The following DYRK1A variants were observed in gnomAD, a reference collection of about 807,000 sequenced individuals.
DYRK1A encodes the protein dual specificity tyrosine-phosphorylation-regulated kinase 1A.
A neutral mutation model predicts 79.7 loss-of-function variants in DYRK1A; 9 were observed. The ratio of observed to expected loss-of-function variants is 0.11; its 90% confidence interval spans 0.07 to 0.20. The LOEUF is 0.20. DYRK1A is among the 10% of genes least tolerant of loss of function. The probability of loss-of-function intolerance (pLI) is 1.00; values close to 1 mark genes in which losing one functional copy is unlikely to be tolerated. For synonymous variants in DYRK1A, 349 were observed against 329.7 expected, an observed-to-expected ratio of 1.06 and a Z score of -0.63; for missense variants, 622 against 956.0, an observed-to-expected ratio of 0.65 and a Z score of 4.61.
At chr21:37,448,777 G>T (rs546886434) in intron 2 of DYRK1A, among the ~76,000 whole-genome samples, 1 of 152,164 alleles carries the variant, frequency 6.6e-6, no homozygotes, top group African/African-American at 2.4e-5. Flanking sequence ...GAGCACTGCA[G>T]CCTCAACCTC....
chr21:37,512,206 C>T lies in DYRK1A; in HGVS notation c.1940C>T (p.Thr647Ile). The change falls in exon 12 of 12, where the codon ACA becomes ATA. Residue 647 changes from threonine (T) to isoleucine (I), a missense_variant. Around this residue, in one of 5 missense-constraint regions of DYRK1A, gnomAD observed 292 missense variants for 316.7 expected, o/e 0.92. Coordinates refer to ENST00000647188, the MANE Select transcript of DYRK1A (RefSeq NM_001347721.2). ...GTTGGCCACAGTCACCACTCCATGACATCCCTGTCTTCCTCAACGACTTCT... is the reference window on the plus strand; with the variant it reads ...GTTGGCCACAGTCACCACTCCATGATATCCCTGTCTTCCTCAACGACTTCT... The part of the protein sequence containing the change: ...MEVGHSHHSM[T>I]SLSSSTTSSS... The T allele has an allele frequency of 1.9e-6, 3 of 1,614,234 alleles. No homozygotes were observed. Among genetic ancestry groups the T allele is most frequent in the Non-Finnish European group, 2.5e-6 (3 of 1,180,026 alleles).
intron 2 of DYRK1A, among the ~76,000 whole-genome samples, chr21:37,453,378 T>A (rs1380757918): frequency 1.3e-5 from 2 of 152,152 alleles, no homozygotes; most frequent in African/African-American, 4.8e-5. Flanking sequence ...AGGGGCTCAG[T>A]AGATGTTTGT....
intron 2 of DYRK1A, among the ~76,000 whole-genome samples, chr21:37,463,572 A>G (rs1016360176): frequency 2.6e-5 from 4 of 152,090 alleles, no homozygotes; most frequent in African/African-American, 4.8e-5. Flanking sequence ...CCCTCTCTCA[A>G]TGATTTCTTC....
chr21:37,391,012 A>T (rs2049859984), intron 1 of DYRK1A, among the ~76,000 whole-genome samples: 1 of 152,212 alleles, frequency 6.6e-6, no homozygotes, highest in Non-Finnish European at 1.5e-5. Context: ...CATATTAGAT[A>T]CAGATTAGAT....
At chr21:37,504,574 G>A (rs140133964) in intron 9 of DYRK1A, 1 of 152,304 alleles carries the variant, frequency 6.6e-6, no homozygotes, top group East Asian at 1.9e-4. Context: ...GTCAAAGTCT[G>A]GTGATGCTAT....
Position 37,451,159 on chromosome 21 carries a change from C to A in DYRK1A, c.11-21525C>A, listed in dbSNP as rs759217130. 8.5e-5 allele frequency among the ~76,000 whole-genome samples: 13 copies of A among 152,068 alleles called. No individual in the cohort carries two copies. In the South Asian group the frequency reaches 2.1e-3, roughly 24 times the overall value. On this transcript the variant is annotated intron_variant, in intron 2 of 11. Transcript: ENST00000647188. Reference sequence around the variant, plus strand: ...TGTGCAGTGTTTTAAGCTGTTATTACAAAAGAATCCAAAAGTTAAAAAAAG... The same window carrying A: ...TGTGCAGTGTTTTAAGCTGTTATTAAAAAAGAATCCAAAAGTTAAAAAAAG...
In DYRK1A at chr21:37,515,802, AT is replaced by A. The variant is rs2053874360; in HGVS notation, c.*3275del. 6.6e-6 allele frequency: 1 copy of A among 151,908 alleles called. No homozygotes were observed. Among genetic ancestry groups the A allele is most frequent in the Non-Finnish European group, 1.5e-5 (1 of 67,956 alleles). The allele number at this position is 151,908 out of a possible 1,614,324, so 9.4% of individuals were successfully genotyped here. A position where few individuals can be genotyped will look rare whatever the true frequency, so the allele number is the denominator to read the frequency against. ...TTAGTTTTCTTCTTAGGGTGTGAGA[AT>A]TTTACCTAGGCACATGGATATTGGG... On this transcript the variant is annotated 3_prime_UTR_variant, in exon 12 of 12. Coordinates refer to ENST00000647188, the MANE Select transcript of DYRK1A (RefSeq NM_001347721.2).
intron 3 of DYRK1A, among the ~76,000 whole-genome samples, chr21:37,476,057 T>A (rs766718519): frequency 1.1e-4 from 16 of 152,310 alleles, no homozygotes; most frequent in Non-Finnish European, 1.5e-4. Flanking sequence ...GGCGTAACAT[T>A]GATAGGGAGC....
At chr21:37,463,527 A>G (rs182035828) in intron 2 of DYRK1A, among the ~76,000 whole-genome samples, 101 of 152,292 alleles carry the variant, frequency 6.6e-4, no homozygotes, top group Admixed American at 1.9e-3. Flanking sequence ...AAAAAATACT[A>G]CATTCATCCT....
intron 4 of DYRK1A, among the ~76,000 whole-genome samples, chr21:37,479,708 A>G (rs1601226815): frequency 1.5e-5 from 2 of 137,404 alleles, no homozygotes; most frequent in African/African-American, 5.4e-5. Flanking sequence ...GCTCACCGCA[A>G]CCTCCGCCTC....
Position 37,434,571 on chromosome 21 carries a change from A to G in DYRK1A, c.10+14187A>G, listed in dbSNP as rs566176722. 2.6e-5 allele frequency among the ~76,000 whole-genome samples: 4 copies of G among 152,382 alleles called. No individual in the cohort carries two copies. The South Asian group carries it at 8.3e-4, about 32-fold the overall frequency. ...TTTTATTCATTATTAGACATTTTGCATATGAATGTAATGTCTTTTATTTAC... is the reference window on the plus strand; with the variant it reads ...TTTTATTCATTATTAGACATTTTGCGTATGAATGTAATGTCTTTTATTTAC... On this transcript the variant is annotated intron_variant, in intron 2 of 11. Transcript: ENST00000647188.
At position 37,519,748 on chromosome 21, in the gene DYRK1A, T is replaced by TTTTGTTTTGTTTTTTTTTGTTTTG. The variant is rs1306641734; in HGVS notation, c.*7220_*7221insGTTTTGTTTTTTTTTGTTTTGTTT. On this transcript the variant is annotated 3_prime_UTR_variant, in exon 12 of 12. Coordinates refer to ENST00000647188, the MANE Select transcript of DYRK1A (RefSeq NM_001347721.2). The stretch of plus-strand genomic sequence containing the variant: ...TTTGTTGTGGGAAGTTTTTTTTTTT[T>TTTTGTTTTGTTTTTTTTTGTTTTG]TTTTTTTTTTTGAGGCGGAGTCTCG... The TTTTGTTTTGTTTTTTTTTGTTTTG allele has an allele frequency of 7.9e-6, 1 of 126,718 alleles. No homozygotes were observed. 7.8% of individuals were successfully genotyped at this position (126,718 alleles called of 1,614,324 possible).
rs963115998 is a variant in DYRK1A, at chr21:37,518,583, T to C, written c.*6052T>C. On this transcript the variant is annotated 3_prime_UTR_variant, in exon 12 of 12. Transcript: ENST00000647188. ...CAGGACTCTGGCAAGAAGAGGCGTG[T>C]GGCTAATATGACGGAAGTCTGAATC... The C allele has an allele frequency of 2.7e-5, 4 of 150,740 alleles. No homozygotes were observed. The highest frequency in any genetic ancestry group is 9.8e-5 in the African/African-American group (4 of 40,960). The allele number at this position is 150,740 out of a possible 1,614,324, so 9.3% of individuals were successfully genotyped here. A position where few individuals can be genotyped will look rare whatever the true frequency, so the allele number is the denominator to read the frequency against.
chr21:37,387,430 C>A (rs1455336173), intron 1 of DYRK1A, among the ~76,000 whole-genome samples: 1 of 152,138 alleles, frequency 6.6e-6, no homozygotes, highest in Non-Finnish European at 1.5e-5. Flanking sequence ...AATTGTATTT[C>A]CATTCGCTTT....
At chr21:37,488,915 G>C (rs2052974039) in intron 6 of DYRK1A, 5 of 958,318 alleles carry the variant, frequency 5.2e-6, no homozygotes, top group Non-Finnish European at 6.2e-6. Flanking sequence ...AAGTGACTAA[G>C]AGCAGATATT....
intron 3 of DYRK1A, among the ~76,000 whole-genome samples, chr21:37,473,968 C>CGAT (rs1223342910): frequency 6.6e-6 from 1 of 152,150 alleles, no homozygotes; most frequent in African/African-American, 2.4e-5. Flanking sequence ...AATAATAACA[C>CGAT]GATGATCCAT....
Position 37,496,112 on chromosome 21 carries a change from A to T in DYRK1A, c.1072-6A>T, listed in dbSNP as rs761086810. ...ACAGGTTTTGTTGTTTTTATTTTTA[A>T]TACAGGTAGATCAGATGAATAAAAT... On this transcript the variant is annotated splice_region_variant and splice_polypyrimidine_tract_variant and intron_variant, in intron 8 of 11. Coordinates refer to ENST00000647188, the MANE Select transcript of DYRK1A (RefSeq NM_001347721.2). The T allele has an allele frequency of 6.3e-7, 1 of 1,598,656 alleles. No homozygotes were observed. The highest frequency in any genetic ancestry group is 1.1e-5 in the South Asian group (1 of 87,532).
At chr21:37,374,431 C>T (rs547876782) in intron 1 of DYRK1A, among the ~76,000 whole-genome samples, 16 of 151,654 alleles carry the variant, frequency 1.1e-4, no homozygotes, top group African/African-American at 3.9e-4. Context: ...ATATTATTAG[C>T]TCTAGTACAG....
At chr21:37,373,629 A>C (rs912577459) in intron 1 of DYRK1A, among the ~76,000 whole-genome samples, 2 of 152,156 alleles carry the variant, frequency 1.3e-5, no homozygotes, top group Non-Finnish European at 2.9e-5. Flanking sequence ...GCAGTTTCTC[A>C]CTACATCCAC....
Sources: gnomAD v4.1 joint callset for allele counts (sites outside exome capture counted in the v4.1 genomes callset) on GRCh38, gnomAD v4.1.1 for gene constraint, gnomAD v4.1.1 regional missense constraint, MANE v1.5 for transcripts, NCBI Gene and HGNC (gene_info 2026-07-23, HGNC 2026-07-21) for gene names.